The following POU6F2 variants were observed in gnomAD, a reference collection of about 807,000 sequenced individuals.
POU6F2 encodes POU class 6 homeobox 2, also known as POU domain, class 6, transcription factor 2.
A neutral mutation model predicts 71.3 loss-of-function variants in POU6F2; 31 were observed. The observed-to-expected ratio is 0.43, with a 90% CI of 0.33 to 0.59. The LOEUF (loss-of-function observed/expected upper bound fraction) is 0.59. Ranked by LOEUF, POU6F2 falls within the 20% of genes least tolerant of loss-of-function variation. The probability of loss-of-function intolerance (pLI) is 0.04; values close to 1 mark genes in which losing one functional copy is unlikely to be tolerated. For synonymous variants in POU6F2, 347 were observed against 355.7 expected (o/e 0.98, Z 0.27); for missense variants, 783 against 856.8 (o/e 0.91, Z 1.07).
intron 5 of POU6F2, among the ~76,000 whole-genome samples, chr7:39,356,211 T>A (rs910720680): frequency 1.3e-5 from 2 of 152,236 alleles, no homozygotes; most frequent in Admixed American, 6.5e-5. Context: ...AACCCTCTGC[T>A]GGCCTGTTTA....
intron 4 of POU6F2, among the ~76,000 whole-genome samples, chr7:39,262,139 G>A (rs112175180): frequency 0.014 from 2,056 of 152,262 alleles, 38 homozygotes; most frequent in African/African-American, 0.046. Flanking sequence ...ATAGCCAAAT[G>A]TAAGCTTCAT....
At chr7:39,107,401 C>T (rs1791713126) in intron 2 of POU6F2, among the ~76,000 whole-genome samples, 1 of 151,910 alleles carries the variant, frequency 6.6e-6, no homozygotes, top group Admixed American at 6.6e-5. Flanking sequence ...TTATTTTTTC[C>T]CATGTTTTTT....
chr7:39,238,323 T>C (rs1794711910), intron 4 of POU6F2, among the ~76,000 whole-genome samples: 1 of 152,104 alleles, frequency 6.6e-6, no homozygotes, highest in African/African-American at 2.4e-5. Flanking sequence ...CGCCAGTGTC[T>C]GTTTCCTCTC....
chr7:39,349,804 G>T (rs1008684770), intron 5 of POU6F2, among the ~76,000 whole-genome samples: 9 of 152,130 alleles, frequency 5.9e-5, no homozygotes, highest in African/African-American at 1.9e-4. Flanking sequence ...GAACTAAATT[G>T]GGCATTCTGG....
intron 5 of POU6F2, 153 bp from the exon 6 acceptor site, chr7:39,406,447 C>T: frequency 3.8e-6 from 3 of 793,452 alleles, no homozygotes; most frequent in Non-Finnish European, 4.0e-6. Context: ...CCAGAGCTTC[C>T]GGGGGAATGT....
chr7:39,271,950 C>T (rs1243476365), intron 4 of POU6F2, among the ~76,000 whole-genome samples: 2 of 149,880 alleles, frequency 1.3e-5, no homozygotes, highest in Non-Finnish European at 3.0e-5. Flanking sequence ...CCATGGGATC[C>T]ATACGGTTAT....
intron 1 of POU6F2, among the ~76,000 whole-genome samples, chr7:38,996,035 CTTTTTTTTT>C (rs5883669): frequency 3.9e-4 from 33 of 85,360 alleles, no homozygotes; most frequent in Non-Finnish European, 4.4e-4. Flanking sequence ...AGGGGCTTGG[CTTTTTTTTT>C]TTTTTTTTTT....
intron 1 of POU6F2, among the ~76,000 whole-genome samples, chr7:39,004,366 T>C (rs922543935): frequency 2.0e-5 from 3 of 152,238 alleles, no homozygotes; most frequent in African/African-American, 7.2e-5. Context: ...TCTACTCAGT[T>C]GGTCAGAACT....
At chr7:39,256,874 C>T (rs1784034726) in intron 4 of POU6F2, among the ~76,000 whole-genome samples, 1 of 152,112 alleles carries the variant, frequency 6.6e-6, no homozygotes, top group Non-Finnish European at 1.5e-5. Flanking sequence ...AAACATAGCC[C>T]AGCCGACACT....
intron 1 of POU6F2, among the ~76,000 whole-genome samples, chr7:39,007,146 G>A (rs527743162): frequency 1.5e-4 from 23 of 152,218 alleles, no homozygotes; most frequent in African/African-American, 4.8e-4. Context: ...TACTGTTTAC[G>A]TATTTGACCA....
At chr7:39,386,137 A>G (rs1340719856) in intron 5 of POU6F2, among the ~76,000 whole-genome samples, 2 of 147,446 alleles carry the variant, frequency 1.4e-5, no homozygotes, top group Non-Finnish European at 3.0e-5. Context: ...AAAAAAAAAG[A>G]ACCAACTTAG....
At chr7:39,237,401 C>T (rs1322094283) in intron 4 of POU6F2, among the ~76,000 whole-genome samples, 1 of 152,082 alleles carries the variant, frequency 6.6e-6, no homozygotes, top group Non-Finnish European at 1.5e-5. Flanking sequence ...CAGAATGGGG[C>T]CCTTGAAATT....
chr7:38,998,720 G>A (rs537919794), intron 1 of POU6F2, among the ~76,000 whole-genome samples: 41 of 150,254 alleles, frequency 2.7e-4, no homozygotes, highest in African/African-American at 9.6e-4. Context: ...GCATGATCTC[G>A]GCTCACTGCA....
At chr7:39,312,920 A>G (rs1785194697) in intron 4 of POU6F2, among the ~76,000 whole-genome samples, 1 of 152,132 alleles carries the variant, frequency 6.6e-6, no homozygotes, top group Non-Finnish European at 1.5e-5. Flanking sequence ...AAAGTTTGTA[A>G]GTGGTTTATT....
In POU6F2 at chr7:39,433,255, C is replaced by T. The variant is rs146637189; in HGVS notation, c.1292C>T (p.Thr431Met). ...ILPVINTQGI[T>M]LSPIKPGQQL... ...CCCGTGATCAACACCCAGGGCATCA[C>T]GCTGTCACCCATCAAGCCCGGCCAG... Residue 431 changes from threonine (T) to methionine (M), a missense_variant, in exon 7 of 10, where the codon ACG becomes ATG. Around this residue, in one of 2 missense-constraint regions of POU6F2, gnomAD observed 572 missense variants for 572.9 expected, o/e 1.00. Transcript: ENST00000518318. 29 of 1,613,846 alleles carry T rather than the reference C, an allele frequency of 1.8e-5. No homozygotes were observed. Among genetic ancestry groups the T allele is most frequent in the South Asian group, 1.1e-4 (10 of 91,094 alleles).
intron 2 of POU6F2, among the ~76,000 whole-genome samples, chr7:39,186,924 G>A (rs766494860): frequency 2.0e-5 from 3 of 152,166 alleles, no homozygotes; most frequent in South Asian, 2.1e-4. Context: ...GCTGTGACCC[G>A]GTTTCCCAGG....
At chr7:39,017,672 G>A (rs1321505120) in intron 1 of POU6F2, among the ~76,000 whole-genome samples, 1 of 152,080 alleles carries the variant, frequency 6.6e-6, no homozygotes, top group African/African-American at 2.4e-5. Flanking sequence ...CATACCGGGC[G>A]TTCCTGCAGT....
At chr7:39,437,523 T>C (rs1236521396) in intron 7 of POU6F2, among the ~76,000 whole-genome samples, 3 of 152,226 alleles carry the variant, frequency 2.0e-5, no homozygotes, top group Non-Finnish European at 1.5e-5. Context: ...TTCTTCTTTA[T>C]TAATCTAGCT....
intron 2 of POU6F2, among the ~76,000 whole-genome samples, chr7:39,088,508 C>A (rs1228099178): frequency 6.6e-6 from 1 of 152,114 alleles, no homozygotes; most frequent in African/African-American, 2.4e-5. Flanking sequence ...TGATTGTACC[C>A]TTTACTTGAT....
Sources: gnomAD v4.1 joint callset for allele counts (sites outside exome capture counted in the v4.1 genomes callset) on GRCh38, gnomAD v4.1.1 for gene constraint, gnomAD v4.1.1 regional missense constraint, MANE v1.5 for transcripts, NCBI Gene and HGNC (gene_info 2026-07-23, HGNC 2026-07-21) for gene names.